DNAJA1: variants seen among roughly 807,000 people sequenced by gnomAD.
DNAJA1 encodes dnaJ homolog subfamily A member 1.
A neutral mutation model predicts 47.6 loss-of-function variants in DNAJA1; 26 were observed. That is an observed-to-expected ratio of 0.55 (90% confidence interval 0.40 to 0.76). The LOEUF (loss-of-function observed/expected upper bound fraction) is 0.76. DNAJA1 is among the 30% of genes least tolerant of loss of function. The pLI is 0.00. For synonymous variants in DNAJA1, 165 were observed against 158.4 expected (o/e 1.04, Z -0.31); for missense variants, 315 against 485.0 (o/e 0.65, Z 3.29).
At chr9:33,027,152 G>GAT (rs1838886530) in intron 3 of DNAJA1, among the ~76,000 whole-genome samples, 162 bp downstream of exon 3, 1 of 130,914 alleles carries the variant, frequency 7.6e-6, no homozygotes, top group East Asian at 2.4e-4. Context: ...TTTTTGTTGT[G>GAT]GTTTTTTTTT....
rs1237591881 is a variant in DNAJA1, at chr9:33,034,338, C to T, written c.758+8C>T. ...CCATGCTGTTTTTACTCGGTAAAGA[C>T]TTTTATCAACCACTCAAATTGATAT... On this transcript the variant is annotated splice_region_variant and intron_variant, in intron 6 of 8. Coordinates refer to ENST00000330899, the MANE Select transcript of DNAJA1 (RefSeq NM_001539.4). 5.0e-6 allele frequency: 8 copies of T among 1,590,336 alleles called. No homozygotes were observed. The African/African-American group carries it at 1.1e-4, about 22-fold the overall frequency.
chr9:33,028,103 G>T (rs1358906593), intron 3 of DNAJA1, among the ~76,000 whole-genome samples: 1 of 150,844 alleles, frequency 6.6e-6, no homozygotes, highest in African/African-American at 2.4e-5. Flanking sequence ...GATCTTATTT[G>T]GTGTTCCCTC....
At chr9:33,028,685 C>T (rs920589321) in intron 3 of DNAJA1, among the ~76,000 whole-genome samples, 3 of 152,182 alleles carry the variant, frequency 2.0e-5, no homozygotes, top group African/African-American at 7.2e-5. Context: ...TTAACATTGG[C>T]AAGCTCTTTT....
chr9:33,036,906 G>C, intron 7 of DNAJA1, 109 bp from the exon 8 acceptor site: 1 of 1,036,448 alleles, frequency 9.6e-7, no homozygotes. Context: ...GCTTTGCCAC[G>C]TAAGTTTTAC....
At chr9:33,036,959 C>G (rs1209129416) in intron 7 of DNAJA1, 56 bp from the exon 8 acceptor site, 2 of 1,478,132 alleles carry the variant, frequency 1.4e-6, no homozygotes, top group South Asian at 1.2e-5. Context: ...TTTATATTCC[C>G]TGCCTCATAA....
chr9:33,036,687 C>G lies in DNAJA1; in HGVS notation c.872C>G (p.Pro291Arg), dbSNP rs773726867. The G allele has an allele frequency of 6.2e-7, 1 of 1,608,246 alleles. No homozygotes were observed. The change falls in exon 7 of 9, where the codon CCA becomes CGA. Residue 291 changes from proline (P) to arginine (R), a missense_variant and splice_region_variant. Physicochemically the swap from Pro to Arg is moderately radical, Grantham distance 103 (BLOSUM62 -2). Transcript: ENST00000330899. ...CGAACCATCGTCATCACCTCTCATC[C>G]AGGTATGGGAACTAGGCAAGCTTAA... ...DNRTIVITSH[P>R]GQIVKHGDIK... is the part of the protein sequence containing the mutation.
intron 3 of DNAJA1, among the ~76,000 whole-genome samples, chr9:33,027,413 C>A (rs1838890824): frequency 6.6e-6 from 1 of 152,008 alleles, no homozygotes; most frequent in Admixed American, 6.5e-5. Flanking sequence ...CTGCCTTGGC[C>A]TCCCAGAGTG....
At chr9:33,026,682 T>C (rs943416808) in intron 2 of DNAJA1, 66 bp downstream of exon 2, 6 of 1,567,484 alleles carry the variant, frequency 3.8e-6, no homozygotes, top group Non-Finnish European at 5.2e-6. Context: ...ATTTCTATTA[T>C]GGCCTGAAAT....
chr9:33,026,008 G>A (rs1838829325), intron 1 of DNAJA1, among the ~76,000 whole-genome samples: 1 of 152,170 alleles, frequency 6.6e-6, no homozygotes, highest in Non-Finnish European at 1.5e-5. Flanking sequence ...GCTGTGTGGA[G>A]CCAGTAACCT....
chr9:33,026,143 G>A (rs1043444938), intron 1 of DNAJA1, among the ~76,000 whole-genome samples: 3 of 152,218 alleles, frequency 2.0e-5, no homozygotes, highest in Non-Finnish European at 4.4e-5. Context: ...ACATATCAGT[G>A]CTTCTTTTGG....
In DNAJA1 at chr9:33,029,991, T is replaced by A; in HGVS notation, c.415+2T>A. ...ATGTGATTTGTGACAAATGTGAAGGTACGGTGTTTTTTTGTTTTGTTTTGT... is the reference window on the plus strand; with the variant it reads ...ATGTGATTTGTGACAAATGTGAAGGAACGGTGTTTTTTTGTTTTGTTTTGT... On this transcript the variant is annotated splice_donor_variant, in intron 4 of 8. Coordinates refer to ENST00000330899, the MANE Select transcript of DNAJA1 (RefSeq NM_001539.4). LOFTEE classifies it high-confidence loss of function. The A allele has an allele frequency of 6.2e-7, 1 of 1,609,866 alleles. No individual in the cohort carries two copies. The highest frequency in any genetic ancestry group is 8.5e-7 in the Non-Finnish European group (1 of 1,178,932).
Position 33,027,048 on chromosome 9 carries a change from T to G in DNAJA1, c.310+58T>G, listed in dbSNP as rs1399619081. On this transcript the variant is annotated intron_variant, in intron 3 of 8. Coordinates refer to ENST00000330899, the MANE Select transcript of DNAJA1 (RefSeq NM_001539.4). ...AAAGTTAGCTGTTGGTCAGAGCAGA[T>G]CTTTGAGAAATCACCCATTTTAAAT... The G allele has an allele frequency of 6.9e-6, 11 of 1,592,902 alleles. No homozygotes were observed. In the East Asian group the frequency reaches 2.5e-4, roughly 36 times the overall value.
chr9:33,037,527 C>T (rs1052213497), intron 8 of DNAJA1, among the ~76,000 whole-genome samples: 2 of 151,870 alleles, frequency 1.3e-5, no homozygotes, highest in African/African-American at 4.8e-5. Context: ...ACAAAAAGTA[C>T]AAAAATTAGC....
At position 33,025,849 on chromosome 9, in the gene DNAJA1, C is replaced by T. The variant is rs188813236; in HGVS notation, c.-11+466C>T. 1.3e-3 allele frequency among the ~76,000 whole-genome samples: 203 copies of T among 152,312 alleles called. 2 individuals carry two copies. The highest frequency in any genetic ancestry group is 1.9e-4 in the Non-Finnish European group (13 of 68,012). ...TTTGTTGAGGGCTGGGCTTTCCCCA[C>T]CGCCACTTGGGTCCAGGGTGGGAGG... On this transcript the variant is annotated intron_variant, in intron 1 of 8. Coordinates refer to ENST00000330899, the MANE Select transcript of DNAJA1 (RefSeq NM_001539.4).
At chr9:33,035,424 G>A (rs958212949) in intron 6 of DNAJA1, among the ~76,000 whole-genome samples, 16 of 152,108 alleles carry the variant, frequency 1.1e-4, no homozygotes, top group Non-Finnish European at 2.2e-4. Flanking sequence ...TCAAGCTCAG[G>A]CTTTTGATGC....
intron 1 of DNAJA1, among the ~76,000 whole-genome samples, 190 bp from the exon 2 acceptor site, chr9:33,026,285 A>G (rs1838845620): frequency 6.6e-6 from 1 of 152,170 alleles, no homozygotes; most frequent in Non-Finnish European, 1.5e-5. Flanking sequence ...ATTTCCCGAT[A>G]ATGATTATTT....
chr9:33,028,882 T>G (rs1277054488), intron 3 of DNAJA1, among the ~76,000 whole-genome samples: 1 of 152,256 alleles, frequency 6.6e-6, no homozygotes, highest in African/African-American at 2.4e-5. Flanking sequence ...CATGCTTGAT[T>G]AGAAAGTTAA....
chr9:33,032,333 CATGCCTAAGGTTT>C (rs1282272507), intron 5 of DNAJA1, among the ~76,000 whole-genome samples: 1 of 152,198 alleles, frequency 6.6e-6, no homozygotes, highest in African/African-American at 2.4e-5. Context: ...TTAGTGGGCC[CATGCCTAAGGTTT>C]ATACTTTGAG....
rs373447056 is a variant in DNAJA1, at chr9:33,037,151, A to G, written c.975+36A>G. On this transcript the variant is annotated intron_variant, in intron 8 of 8. Coordinates refer to ENST00000330899, the MANE Select transcript of DNAJA1 (RefSeq NM_001539.4). ...ATGTACTTTAAGAATACTTGAGAAC[A>G]ATTGGCTTACTAAAATCTGATAAAA... is the stretch of plus-strand genomic sequence containing the variant. 4 of 1,582,154 alleles carry G rather than the reference A, an allele frequency of 2.5e-6. No individual in the cohort carries two copies. The African/African-American group carries it at 5.4e-5, about 21-fold the overall frequency.
Sources: allele counts gnomAD v4.1 joint callset (sites outside exome capture counted in the v4.1 genomes callset), GRCh38; gene constraint gnomAD v4.1.1; transcripts MANE v1.5; gene names NCBI Gene and HGNC (gene_info 2026-07-23, HGNC 2026-07-21).